IGFBP7: variants seen among roughly 807,000 people sequenced by gnomAD.
IGFBP7 encodes insulin like growth factor binding protein 7.
Under a neutral mutation model 29.4 loss-of-function variants are expected in IGFBP7, and 31 were observed. The observed-to-expected ratio is 1.05, with a 90% CI of 0.79 to 1.42. The LOEUF is 1.42. Among genes scored for constraint, IGFBP7 ranks in the 40% most tolerant of loss-of-function variants. The pLI is 0.00. For missense variants in IGFBP7, 393 were observed against 395.5 expected (o/e 0.99, Z 0.05); for synonymous variants, 172 against 174.9 (o/e 0.98, Z 0.13).
chr4:57,108,612 G>T (rs953029416), intron 1 of IGFBP7, among the ~76,000 whole-genome samples: 1 of 151,600 alleles, frequency 6.6e-6, no homozygotes, highest in African/African-American at 2.4e-5. Context: ...TGTGATCTCG[G>T]CTCACTGCAA....
At chr4:57,081,781 C>T (rs1023763665) in intron 1 of IGFBP7, among the ~76,000 whole-genome samples, 2 of 152,124 alleles carry the variant, frequency 1.3e-5, no homozygotes, top group Non-Finnish European at 2.9e-5. Context: ...AAGTCTGGCT[C>T]CAGAGAAAGA....
chr4:57,104,994 C>T (rs1353370504), intron 1 of IGFBP7, among the ~76,000 whole-genome samples: 2 of 152,232 alleles, frequency 1.3e-5, no homozygotes, highest in South Asian at 2.1e-4. Context: ...ATTAGCCAGA[C>T]ACTGTGTTTA....
At chr4:57,073,895 G>A (rs906783240) in intron 1 of IGFBP7, among the ~76,000 whole-genome samples, 1 of 152,080 alleles carries the variant, frequency 6.6e-6, no homozygotes, top group African/African-American at 2.4e-5. Flanking sequence ...AATCTCTATC[G>A]CACAAAGGTG....
intron 1 of IGFBP7, among the ~76,000 whole-genome samples, chr4:57,053,925 T>C (rs1015263733): frequency 1.3e-5 from 2 of 152,204 alleles, no homozygotes; most frequent in Non-Finnish European, 2.9e-5. Flanking sequence ...GAAGTTCCCA[T>C]AGGAAACTTA....
intron 1 of IGFBP7, among the ~76,000 whole-genome samples, chr4:57,071,993 T>TA (rs201686169): frequency 7.5e-4 from 114 of 151,758 alleles, no homozygotes; most frequent in South Asian, 5.6e-3. Context: ...TAAATTTTAA[T>TA]AAAAAAAACC....
chr4:57,054,614 G>A (rs919657023), intron 1 of IGFBP7, among the ~76,000 whole-genome samples: 2 of 140,688 alleles, frequency 1.4e-5, no homozygotes, highest in African/African-American at 5.4e-5. Context: ...ACTCCAGCCT[G>A]GCGACAGAGC....
At chr4:57,045,051 T>A (rs1724324403) in intron 1 of IGFBP7, among the ~76,000 whole-genome samples, 1 of 152,184 alleles carries the variant, frequency 6.6e-6, no homozygotes, top group Non-Finnish European at 1.5e-5. Flanking sequence ...ATACTTTGAA[T>A]GACAGCCATC....
At chr4:57,052,310 C>T (rs35190037) in intron 1 of IGFBP7, among the ~76,000 whole-genome samples, 13,832 of 152,182 alleles carry the variant, frequency 0.091, 699 homozygotes, top group African/African-American at 0.1. Flanking sequence ...GCACCATGAA[C>T]AGAAGCAGGG....
intron 1 of IGFBP7, among the ~76,000 whole-genome samples, chr4:57,085,588 T>C (rs1725478782): frequency 1.3e-5 from 2 of 151,956 alleles, no homozygotes; most frequent in South Asian, 2.1e-4. Flanking sequence ...CAGTTGTATG[T>C]AGTTTTCACC....
intron 1 of IGFBP7, among the ~76,000 whole-genome samples, chr4:57,096,401 T>G (rs6832199): frequency 0.11 from 16,047 of 151,380 alleles, 1,292 homozygotes; most frequent in African/African-American, 0.22. Flanking sequence ...TGACTTGAAG[T>G]CTTTTTAGAA....
At chr4:57,033,441 A>G in intron 2 of IGFBP7, 130 bp from the exon 3 acceptor site, 1 of 739,360 alleles carries the variant, frequency 1.4e-6, no homozygotes, top group Non-Finnish European at 2.5e-6. Context: ...CATTTCACTG[A>G]ACTATTTCCC....
chr4:57,069,652 G>A (rs1388780116), intron 1 of IGFBP7, among the ~76,000 whole-genome samples: 2 of 149,306 alleles, frequency 1.3e-5, no homozygotes, highest in African/African-American at 2.5e-5. Context: ...TGACAGAGAA[G>A]GCCCTATCTC....
rs536561669 is a variant in IGFBP7 at position 57,059,112 on chromosome 4, T to C, written c.476-18179A>G. Among the ~76,000 whole-genome samples the C allele has an allele frequency of 5.3e-5, 8 of 152,294 alleles. 1 individual carries two copies. The South Asian group carries it at 1.7e-3, about 32-fold the overall frequency. On this transcript the variant is annotated intron_variant, in intron 1 of 4. Transcript: ENST00000295666. The stretch of plus-strand genomic sequence containing the variant: ...AAAAAACAACAGATGCTGGCAAGGT[T>C]GCGGAGAAAAGGGAACACTTATACT...
intron 1 of IGFBP7, among the ~76,000 whole-genome samples, chr4:57,043,702 GA>G (rs1724285869): frequency 6.6e-6 from 1 of 152,180 alleles, no homozygotes; most frequent in Admixed American, 6.5e-5. Flanking sequence ...GTCTGAATAG[GA>G]AGCATATATC....
At chr4:57,050,698 C>T (rs1396834581) in intron 1 of IGFBP7, among the ~76,000 whole-genome samples, 5 of 151,480 alleles carry the variant, frequency 3.3e-5, no homozygotes, top group Non-Finnish European at 7.4e-5. Flanking sequence ...GCAAGTGCAA[C>T]CATGCCCGGC....
chr4:57,093,266 C>T (rs962386544), intron 1 of IGFBP7, among the ~76,000 whole-genome samples: 14 of 152,090 alleles, frequency 9.2e-5, no homozygotes, highest in Non-Finnish European at 1.3e-4. Flanking sequence ...TTTGGGAGAC[C>T]GAGGCGGGCG....
intron 2 of IGFBP7, among the ~76,000 whole-genome samples, chr4:57,033,585 G>A (rs1724005283): frequency 6.6e-6 from 1 of 152,012 alleles, no homozygotes; most frequent in Non-Finnish European, 1.5e-5. Flanking sequence ...TCCTGCCACT[G>A]GTCACCATCA....
intron 1 of IGFBP7, among the ~76,000 whole-genome samples, chr4:57,049,420 A>G (rs1423419478): frequency 6.6e-6 from 1 of 152,108 alleles, no homozygotes; most frequent in African/African-American, 2.4e-5. Context: ...TTTCTACCCA[A>G]ACTCACTGTC....
In IGFBP7 at chr4:57,096,255, T is replaced by C. The variant is rs1327969273; in HGVS notation, c.475+13622A>G. Among the ~76,000 whole-genome samples, 5 of 148,440 alleles carry C rather than the reference T, an allele frequency of 3.4e-5. No homozygotes were observed. In the Admixed American group the frequency reaches 3.4e-4, roughly 10 times the overall value. On this transcript the variant is annotated intron_variant, in intron 1 of 4. Transcript: ENST00000295666. ...CACTACATTGGGTGATCATGTTTTCTAGGGCTTACACTTCCCATGGCACAC... is the reference window on the plus strand; with the variant it reads ...CACTACATTGGGTGATCATGTTTTCCAGGGCTTACACTTCCCATGGCACAC...
Sources: allele counts gnomAD v4.1 joint callset (sites outside exome capture counted in the v4.1 genomes callset), GRCh38; gene constraint gnomAD v4.1.1; transcripts MANE v1.5; gene names NCBI Gene and HGNC (gene_info 2026-07-23, HGNC 2026-07-21).